The following SCNN1G variants were observed in gnomAD, a reference collection of about 807,000 sequenced individuals.
The protein encoded by SCNN1G is sodium channel epithelial 1 subunit gamma.
Under a neutral mutation model 64.6 loss-of-function variants are expected in SCNN1G, and 27 were observed. The ratio of observed to expected loss-of-function variants is 0.42; its 90% CI spans 0.31 to 0.58. SCNN1G has a LOEUF of 0.58. Among genes scored for constraint, SCNN1G ranks in the 20% least tolerant of loss-of-function variants. The pLI, the probability that SCNN1G is intolerant of heterozygous loss-of-function variation, is 0.18. For missense variants in SCNN1G, 743 were observed against 823.4 expected (o/e 0.90, Z 1.19); for synonymous variants, 330 against 314.2 (o/e 1.05, Z -0.53).
intron 6 of SCNN1G, among the ~76,000 whole-genome samples, chr16:23,206,434 C>T (rs55830657): frequency 5.3e-5 from 8 of 152,014 alleles, no homozygotes; most frequent in African/African-American, 1.9e-4. Flanking sequence ...TGGGCTTTCC[C>T]CCTTAGCACT....
At chr16:23,188,890 G>C (rs780471198) in intron 2 of SCNN1G, among the ~76,000 whole-genome samples, 1 of 152,168 alleles carries the variant, frequency 6.6e-6, no homozygotes, top group East Asian at 1.9e-4. Flanking sequence ...TTGTGTTCTT[G>C]GGGGTCATCG....
Position 23,189,567 on chromosome 16 carries a change from A to G in SCNN1G, c.514A>G (p.Arg172Gly). 1 of 1,614,248 alleles carries G rather than the reference A, an allele frequency of 6.2e-7. No homozygotes were observed. Among genetic ancestry groups the G allele is most frequent in the Non-Finnish European group, 8.5e-7 (1 of 1,180,024 alleles). Residue 172 changes from arginine to glycine, a missense_variant, in exon 3 of 13, where the codon AGG becomes GGG. Physicochemically the swap from Arg to Gly is moderately radical, Grantham distance 125. Coordinates refer to ENST00000300061, the MANE Select transcript of SCNN1G (RefSeq NM_001039.4). ...IFDQDEKGKA[R>G]DFFTGRKRKV... ...TGATCAGGATGAGAAGGGCAAGGCCAGGGACTTCTTCACAGGGAGGAAGCG... is the reference window on the plus strand; with the variant it reads ...TGATCAGGATGAGAAGGGCAAGGCCGGGGACTTCTTCACAGGGAGGAAGCG...
chr16:23,187,901 C>T (rs552007811), intron 2 of SCNN1G, among the ~76,000 whole-genome samples: 7 of 152,238 alleles, frequency 4.6e-5, no homozygotes, highest in African/African-American at 9.6e-5. Flanking sequence ...GATTATCAAA[C>T]GAAACTAACT....
chr16:23,208,235 A>T (rs540048759), intron 6 of SCNN1G, among the ~76,000 whole-genome samples: 18 of 152,060 alleles, frequency 1.2e-4, no homozygotes, highest in Non-Finnish European at 2.4e-4. Flanking sequence ...GGTCCCAGCT[A>T]CTCAGAGAGG....
chr16:23,189,350 T>C, intron 2 of SCNN1G, 21 bp from the exon 3 acceptor site: 2 of 1,611,706 alleles, frequency 1.2e-6, no homozygotes, highest in African/African-American at 1.3e-5. Context: ...TCTCCCTGAC[T>C]TTTCCTCCCC....
intron 6 of SCNN1G, among the ~76,000 whole-genome samples, chr16:23,198,841 G>A (rs527825456): frequency 1.3e-5 from 2 of 152,034 alleles, no homozygotes; most frequent in South Asian, 4.2e-4. Context: ...GATCACTTGA[G>A]CTCAGGAGTT....
At chr16:23,188,172 A>G (rs901042693) in intron 2 of SCNN1G, among the ~76,000 whole-genome samples, 1 of 152,186 alleles carries the variant, frequency 6.6e-6, no homozygotes, top group African/African-American at 2.4e-5. Context: ...TGGAGCTTAT[A>G]CTGTAGTGGA....
chr16:23,192,742 A>G (rs1175884496), intron 4 of SCNN1G, among the ~76,000 whole-genome samples, 200 bp downstream of exon 4: 1 of 152,094 alleles, frequency 6.6e-6, no homozygotes, highest in Non-Finnish European at 1.5e-5. Flanking sequence ...TAAAATCAAA[A>G]TATCCTTAAA....
At chr16:23,214,394 T>C (rs932154525) in intron 11 of SCNN1G, among the ~76,000 whole-genome samples, 3 of 152,236 alleles carry the variant, frequency 2.0e-5, no homozygotes, top group Non-Finnish European at 4.4e-5. Flanking sequence ...CTGTACATAC[T>C]TGAGATTGCA....
intron 6 of SCNN1G, among the ~76,000 whole-genome samples, chr16:23,205,854 C>T (rs1959981753): frequency 6.6e-6 from 1 of 152,270 alleles, no homozygotes; most frequent in East Asian, 1.9e-4. Flanking sequence ...AGCATGGAAA[C>T]CAAGGGAAAG....
In SCNN1G at chr16:23,212,907, G is replaced by T; in HGVS notation, c.1431+13G>T. On this transcript the variant is annotated intron_variant, in intron 10 of 12. Coordinates refer to ENST00000300061, the MANE Select transcript of SCNN1G (RefSeq NM_001039.4). The stretch of plus-strand genomic sequence containing the variant: ...TGTGGTTTCGGAGGTAAGTTCTTCT[G>T]CCCACCCTTCCCCACTGAAGCCCCC... 9 of 1,613,196 alleles carry T rather than the reference G, an allele frequency of 5.6e-6. No homozygotes were observed. The highest frequency in any genetic ancestry group is 7.6e-6 in the Non-Finnish European group (9 of 1,179,740).
chr16:23,193,201 C>T (rs1959740139), intron 4 of SCNN1G, among the ~76,000 whole-genome samples: 1 of 150,922 alleles, frequency 6.6e-6, no homozygotes, highest in African/African-American at 2.4e-5. Context: ...ATACTGATGA[C>T]TAAGAACCAT....
chr16:23,210,290 G>A (rs989349092), intron 7 of SCNN1G, among the ~76,000 whole-genome samples: 7 of 152,130 alleles, frequency 4.6e-5, no homozygotes, highest in East Asian at 3.9e-4. Context: ...GCTCCCAGTC[G>A]CCTTCCAGGT....
At position 23,213,172 on chromosome 16, in the gene SCNN1G, C is replaced by A; in HGVS notation, c.1493+9C>A. The stretch of plus-strand genomic sequence containing the variant: ...AACAAAAAGCTCAACAAGTAAGTTA[C>A]CTCTACCCTGTTCCTCTGTCTCTTC... On this transcript the variant is annotated intron_variant, in intron 11 of 12. Transcript: ENST00000300061. The A allele has an allele frequency of 6.2e-7, 1 of 1,606,328 alleles. No individual in the cohort carries two copies. The highest frequency in any genetic ancestry group is 8.5e-7 in the Non-Finnish European group (1 of 1,173,406).
In SCNN1G at chr16:23,186,551, T is replaced by G. The variant is rs767921946; in HGVS notation, c.280T>G (p.Phe94Val). Residue 94 changes from phenylalanine to valine, a missense_variant, in exon 2 of 13, where the codon TTT becomes GTT. By Grantham distance (50) the Phe-to-Val change is conservative (BLOSUM62 -1). Coordinates refer to ENST00000300061, the MANE Select transcript of SCNN1G (RefSeq NM_001039.4). ...SIKVHFRKLD[F>V]PAVTICNINP... is the part of the protein sequence containing the mutation. ...CAAAGTCCACTTCCGGAAGCTGGAT[T>G]TTCCTGCAGTCACCATCTGCAACAT... The G allele has an allele frequency of 1.9e-6, 3 of 1,613,612 alleles. No individual in the cohort carries two copies. The highest frequency in any genetic ancestry group is 2.5e-6 in the Non-Finnish European group (3 of 1,180,024).
chr16:23,206,669 G>C (rs1959995864), intron 6 of SCNN1G, among the ~76,000 whole-genome samples: 1 of 152,114 alleles, frequency 6.6e-6, no homozygotes, highest in African/African-American at 2.4e-5. Context: ...CTTCCCCCAA[G>C]ATCTTCAGAA....
chr16:23,186,634 C>G (rs759719273), intron 2 of SCNN1G, 46 bp downstream of exon 2: 39 of 1,533,256 alleles, frequency 2.5e-5, no homozygotes, highest in African/African-American at 4.1e-5. Context: ...CCAGGCCCCC[C>G]ACAGAGGCCA....
chr16:23,186,221 C>G lies in SCNN1G; in HGVS notation c.-44-7C>G. On this transcript the variant is annotated splice_region_variant and splice_polypyrimidine_tract_variant and intron_variant, in intron 1 of 12. Coordinates refer to ENST00000300061, the MANE Select transcript of SCNN1G (RefSeq NM_001039.4). ...AGCTCACCTGCTTCTCTTCTTTGCC[C>G]CTCCAGCACGCCCGTCCTCAGAGTC... 3 of 1,587,862 alleles carry G rather than the reference C, an allele frequency of 1.9e-6. No individual in the cohort carries two copies. Among genetic ancestry groups the G allele is most frequent in the Non-Finnish European group, 2.6e-6 (3 of 1,156,744 alleles).
intron 7 of SCNN1G, among the ~76,000 whole-genome samples, 154 bp from the exon 8 acceptor site, chr16:23,211,880 C>G (rs111326548): frequency 6.6e-6 from 1 of 152,078 alleles, no homozygotes; most frequent in Non-Finnish European, 1.5e-5. Context: ...TTTGCAGTTC[C>G]GGGACCATGC....
Sources: gnomAD v4.1 joint callset for allele counts (sites outside exome capture counted in the v4.1 genomes callset) on GRCh38, gnomAD v4.1.1 for gene constraint, MANE v1.5 for transcripts, NCBI Gene and HGNC (gene_info 2026-07-23, HGNC 2026-07-21) for gene names.